The following GCKR variants were observed in gnomAD, a reference collection of about 807,000 sequenced individuals.
GCKR encodes the protein glucokinase regulatory protein.
In GCKR, 73 loss-of-function variants were observed where a neutral mutation model predicts 82.9. That is an observed-to-expected ratio of 0.88 (90% CI 0.73 to 1.07). The LOEUF (loss-of-function observed/expected upper bound fraction) is 1.07. Among genes scored for constraint, GCKR ranks in the 50% least tolerant of loss-of-function variants. The probability of loss-of-function intolerance (pLI) is 0.00; values close to 1 mark genes in which losing one functional copy is unlikely to be tolerated. For missense variants in GCKR, 784 were observed against 782.1 expected (o/e 1.00, Z -0.03); for synonymous variants, 294 against 291.8 (o/e 1.01, Z -0.08).
intron 14 of GCKR, 71 bp from the exon 15 acceptor site, chr2:27,507,906 C>A: frequency 1.6e-6 from 2 of 1,237,448 alleles, no homozygotes; most frequent in Non-Finnish European, 2.4e-6. Flanking sequence ...CTGACTGGAC[C>A]CCAGCCAGGG....
intron 7 of GCKR, 127 bp from the exon 8 acceptor site, chr2:27,501,008 G>A: frequency 1.2e-6 from 1 of 804,528 alleles, no homozygotes; most frequent in South Asian, 1.3e-5. Context: ...GGATCCAGTA[G>A]ATTGTAACTG....
intron 16 of GCKR, among the ~76,000 whole-genome samples, chr2:27,514,529 C>A (rs1558441063): frequency 6.6e-6 from 1 of 152,150 alleles, no homozygotes; most frequent in Non-Finnish European, 1.5e-5. Context: ...CTCTTTTGTG[C>A]TTTAAGAAGA....
intron 16 of GCKR, among the ~76,000 whole-genome samples, chr2:27,515,945 T>C (rs2148590766): frequency 6.7e-6 from 1 of 148,632 alleles, no homozygotes; most frequent in South Asian, 2.1e-4. Context: ...ACAAAATTTT[T>C]TTTTTTTTTT....
In GCKR at chr2:27,523,290, A is replaced by G. The variant is rs1323913102; in HGVS notation, c.1729A>G (p.Ser577Gly). ...ACAGGTGATACCCATCGCCTTGCTG[A>G]GCCTCCTATTCCGGTGCTCGATCAC... ...KEQVIPIALL[S>G]LLFRCSITEA... Residue 577 changes from serine to glycine, a missense_variant, in exon 19 of 19, where the codon AGC (serine) becomes GGC (glycine). By Grantham distance (56) the Ser-to-Gly change is moderately conservative. Coordinates refer to ENST00000264717, the MANE Select transcript of GCKR (RefSeq NM_001486.4). 1 of 1,612,938 alleles carries G rather than the reference A, an allele frequency of 6.2e-7. No individual in the cohort carries two copies. The highest frequency in any genetic ancestry group is 8.5e-7 in the Non-Finnish European group (1 of 1,179,852).
chr2:27,517,911 T>G (rs1670048433), intron 16 of GCKR, among the ~76,000 whole-genome samples: 1 of 152,230 alleles, frequency 6.6e-6, no homozygotes, highest in African/African-American at 2.4e-5. Flanking sequence ...GTCCTCATTC[T>G]CCATCTCGTT....
intron 16 of GCKR, 83 bp downstream of exon 16, chr2:27,508,334 G>A: frequency 1.0e-6 from 1 of 971,200 alleles, no homozygotes; most frequent in Non-Finnish European, 1.7e-6. Context: ...CAAGGCTGTA[G>A]GGCAGAAAGT....
intron 16 of GCKR, among the ~76,000 whole-genome samples, chr2:27,518,247 T>C (rs943703475): frequency 6.6e-6 from 1 of 152,218 alleles, no homozygotes; most frequent in African/African-American, 2.4e-5. Flanking sequence ...CATTTCATCA[T>C]GTTGGCTAGG....
At chr2:27,507,028 T>G in intron 12 of GCKR, 143 bp downstream of exon 12, 1 of 782,664 alleles carries the variant, frequency 1.3e-6, no homozygotes, top group Non-Finnish European at 2.3e-6. Context: ...TCAGTCAAAT[T>G]CTTCTTCCTT....
Position 27,508,268 on chromosome 2 carries a change from GGTCCTATCT to G in GCKR, c.1422+19_1422+27del. The G allele has an allele frequency of 1.4e-6, 2 of 1,472,124 alleles. No individual in the cohort carries two copies. Among genetic ancestry groups the G allele is most frequent in the Non-Finnish European group, 1.9e-6 (2 of 1,050,378 alleles). The allele number at this position is 1,472,124 out of a possible 1,614,324, so 91.2% of individuals were successfully genotyped here. ...TTCATCCAGGTATGGGGAATGAGAA[GGTCCTATCT>G]GCAGTAAGGGGCTCAGAGGGTGAGG... On this transcript the variant is annotated intron_variant, in intron 16 of 18. Coordinates refer to ENST00000264717, the MANE Select transcript of GCKR (RefSeq NM_001486.4).
At position 27,523,250 on chromosome 2, in the gene GCKR, C is replaced by T; in HGVS notation, c.1708-19C>T. On this transcript the variant is annotated intron_variant, in intron 18 of 18. Transcript: ENST00000264717. ...CCTCATTCCCTCAGGCTTCAGTGCC[C>T]ACTGCCTCTTCCCCACAGGTGATAC... 6.2e-7 allele frequency: 1 copy of T among 1,609,028 alleles called. No individual in the cohort carries two copies. Among genetic ancestry groups the T allele is most frequent in the Non-Finnish European group, 8.5e-7 (1 of 1,177,342 alleles).
intron 16 of GCKR, 82 bp from the exon 17 acceptor site, chr2:27,518,706 C>T (rs2148592374): frequency 8.7e-7 from 1 of 1,147,710 alleles, no homozygotes; most frequent in South Asian, 1.2e-5. Flanking sequence ...AGTTGGTTTC[C>T]TGTCTGATAA....
intron 16 of GCKR, among the ~76,000 whole-genome samples, chr2:27,514,425 T>G (rs1669957551): frequency 6.6e-6 from 1 of 152,180 alleles, no homozygotes; most frequent in Non-Finnish European, 1.5e-5. Flanking sequence ...TTAGTTTAAT[T>G]AGTTACTGGC....
intron 1 of GCKR, 117 bp downstream of exon 1, chr2:27,497,081 T>C (rs1291744310): frequency 8.3e-7 from 1 of 1,206,242 alleles, no homozygotes; most frequent in Non-Finnish European, 1.2e-6. Context: ...GTTCTTTCCC[T>C]AATATGCCCA....
At chr2:27,497,681 C>A in intron 3 of GCKR, 51 bp downstream of exon 3, 2 of 1,078,306 alleles carry the variant, frequency 1.9e-6, no homozygotes, top group Non-Finnish European at 2.9e-6. Flanking sequence ...TTCCCTCTTT[C>A]TCTTTTTACT....
At position 27,496,841 on chromosome 2, in the gene GCKR, T is replaced by C; in HGVS notation, c.-64T>C. 7.4e-7 allele frequency: 1 copy of C among 1,357,782 alleles called. No homozygotes were observed. Among genetic ancestry groups the C allele is most frequent in the Non-Finnish European group, 1.1e-6 (1 of 946,520 alleles). 84.1% of individuals were successfully genotyped at this position (1,357,782 alleles called of 1,614,324 possible). A position where few individuals can be genotyped will look rare whatever the true frequency, so the allele number is the denominator to read the frequency against. On this transcript the variant is annotated 5_prime_UTR_variant, in exon 1 of 19. Transcript: ENST00000264717. ...CCCTGCCAACTGGAAGCAGAGTCAT[T>C]GTGACCAGAGGGGTTTGTGTGGCTG...
At chr2:27,504,247 CA>C (rs1160883302) in intron 9 of GCKR, among the ~76,000 whole-genome samples, 1 of 152,178 alleles carries the variant, frequency 6.6e-6, no homozygotes. Flanking sequence ...GGTAGAATTC[CA>C]TATGACATAA....
At chr2:27,501,691 C>A in intron 8 of GCKR, 1 of 469,884 alleles carries the variant, frequency 2.1e-6, no homozygotes, top group Non-Finnish European at 4.4e-6. Flanking sequence ...TCATTCCAGG[C>A]ACCCCTTTCC....
chr2:27,517,607 T>G (rs1255170148), intron 16 of GCKR, among the ~76,000 whole-genome samples: 1 of 152,154 alleles, frequency 6.6e-6, no homozygotes, highest in Admixed American at 6.6e-5. Context: ...CAATTCAAGA[T>G]GAGATTTGGG....
At position 27,497,311 on chromosome 2, in the gene GCKR, A is replaced by G. The variant is rs1307378159; in HGVS notation, c.128A>G (p.Lys43Arg). ...KSNPLTQDLD[K>R]ADAENIVRLL... ...AACCCACTGACCCAGGATCTAGACAAAGCAGATGCTGAGAACATTGTTCGA... is the reference window on the plus strand; with the variant it reads ...AACCCACTGACCCAGGATCTAGACAGAGCAGATGCTGAGAACATTGTTCGA... Residue 43 changes from lysine (K) to arginine (R), a missense_variant, in exon 2 of 19, where the codon AAA becomes AGA. Transcript: ENST00000264717. 5 of 1,613,928 alleles carry G rather than the reference A, an allele frequency of 3.1e-6. No homozygotes were observed. The Admixed American group carries it at 8.3e-5, about 27-fold the overall frequency.
Sources: gnomAD v4.1 joint callset for allele counts (sites outside exome capture counted in the v4.1 genomes callset) on GRCh38, gnomAD v4.1.1 for gene constraint, MANE v1.5 for transcripts, NCBI Gene and HGNC (gene_info 2026-07-23, HGNC 2026-07-21) for gene names.